TRPM3: variants seen among roughly 807,000 people sequenced by gnomAD.
TRPM3 encodes the protein transient receptor potential cation channel subfamily M member 3, also known as long transient receptor potential channel 3.
TRPM3 carries 77 observed loss-of-function variants against 181.2 expected under a neutral mutation model. The ratio of observed to expected loss-of-function variants is 0.42; its 90% CI spans 0.35 to 0.51. The LOEUF (loss-of-function observed/expected upper bound fraction) is 0.51, where lower values mean the gene tolerates loss of function less well. Among genes scored for constraint, TRPM3 ranks in the 20% least tolerant of loss-of-function variants. The pLI, the probability that TRPM3 is intolerant of heterozygous loss-of-function variation, is 0.01. For missense variants in TRPM3, 1,759 were observed against 2,196.7 expected, an observed-to-expected ratio of 0.80 and a Z score of 3.98; for synonymous variants, 745 against 796.4, an observed-to-expected ratio of 0.94 and a Z score of 1.09.
chr9:70,647,351 G>A (rs1283343152), intron 9 of TRPM3, among the ~76,000 whole-genome samples: 1 of 152,140 alleles, frequency 6.6e-6, no homozygotes, highest in Non-Finnish European at 1.5e-5. Flanking sequence ...TCATGATCAA[G>A]TAGGCTTCTT....
At chr9:71,397,091 A>C (rs2093219523) in intron 1 of TRPM3, among the ~76,000 whole-genome samples, 1 of 152,182 alleles carries the variant, frequency 6.6e-6, no homozygotes, top group South Asian at 2.1e-4. Flanking sequence ...GGCAACATTA[A>C]TGTAGTACGA....
intron 22 of TRPM3, among the ~76,000 whole-genome samples, chr9:70,578,978 G>A (rs1420039026): frequency 5.9e-5 from 9 of 152,132 alleles, no homozygotes; most frequent in Non-Finnish European, 1.3e-4. Flanking sequence ...ATGTCTCTTT[G>A]CTGGGTGGTG....
chr9:70,961,074 A>G (rs2097131694), intron 1 of TRPM3, among the ~76,000 whole-genome samples: 1 of 152,196 alleles, frequency 6.6e-6, no homozygotes, highest in Admixed American at 6.5e-5. Context: ...TAATTACAAC[A>G]TAAGGAGAAG....
At chr9:70,783,274 C>A (rs764781056) in intron 7 of TRPM3, among the ~76,000 whole-genome samples, 4 of 152,302 alleles carry the variant, frequency 2.6e-5, no homozygotes, top group Non-Finnish European at 5.9e-5. Flanking sequence ...GCTTTCCCCT[C>A]CCCACAAATT....
chr9:71,427,261 G>T (rs990489429), intron 1 of TRPM3, among the ~76,000 whole-genome samples: 1 of 151,868 alleles, frequency 6.6e-6, no homozygotes, highest in Non-Finnish European at 1.5e-5. Flanking sequence ...TATAACTGAG[G>T]GGTTCTCAAA....
chr9:71,004,178 A>G (rs2097648701), intron 1 of TRPM3, among the ~76,000 whole-genome samples: 1 of 152,222 alleles, frequency 6.6e-6, no homozygotes, highest in African/African-American at 2.4e-5. Flanking sequence ...CACATGGATA[A>G]GACTGGCCAG....
At chr9:71,302,824 G>A (rs934342507) in intron 1 of TRPM3, among the ~76,000 whole-genome samples, 1 of 151,828 alleles carries the variant, frequency 6.6e-6, no homozygotes, top group Non-Finnish European at 1.5e-5. Context: ...AAGGAAGGAG[G>A]GGAGGGAGGC....
At chr9:70,595,415 T>C (rs2058834667) in intron 21 of TRPM3, among the ~76,000 whole-genome samples, 2 of 152,228 alleles carry the variant, frequency 1.3e-5, no homozygotes, top group African/African-American at 4.8e-5. Context: ...TAACTGCGTG[T>C]GTGTGTGCAC....
chr9:71,348,498 T>G (rs970802694), intron 1 of TRPM3, among the ~76,000 whole-genome samples: 2 of 151,374 alleles, frequency 1.3e-5, no homozygotes, highest in Non-Finnish European at 2.9e-5. Flanking sequence ...TCAAAAATTC[T>G]GTCATTTTCA....
chr9:71,002,914 T>C (rs2097625015), intron 1 of TRPM3, among the ~76,000 whole-genome samples: 1 of 152,126 alleles, frequency 6.6e-6, no homozygotes, highest in South Asian at 2.1e-4. Context: ...ATTCAATCCA[T>C]ATTCATATTT....
chr9:70,917,844 AT>A (rs1303355471), intron 1 of TRPM3, among the ~76,000 whole-genome samples: 5 of 152,126 alleles, frequency 3.3e-5, no homozygotes, highest in Admixed American at 6.5e-5. Flanking sequence ...ATCAAAAGAC[AT>A]AGAGTCACTC....
At chr9:71,080,269 A>G (rs759951100) in intron 1 of TRPM3, among the ~76,000 whole-genome samples, 1 of 152,132 alleles carries the variant, frequency 6.6e-6, no homozygotes, top group African/African-American at 2.4e-5. Flanking sequence ...ACGAGACAAC[A>G]GTAACACTAA....
At chr9:71,148,470 C>G (rs1401533854) in intron 1 of TRPM3, among the ~76,000 whole-genome samples, 2 of 152,060 alleles carry the variant, frequency 1.3e-5, no homozygotes, top group African/African-American at 4.8e-5. Context: ...TTTCTGAGGT[C>G]TTATTTTAGA....
chr9:70,797,851 CA>C lies in TRPM3; in HGVS notation c.974-13573del, dbSNP rs560003850. 3.9e-3 allele frequency among the ~76,000 whole-genome samples: 590 copies of C among 152,274 alleles called. 2 individuals carry two copies. The highest frequency in any genetic ancestry group is 0.013 in the African/African-American group (558 of 41,556). The stretch of plus-strand genomic sequence containing the variant: ...CAGGAACCCAGACCCTGAAGATGTG[CA>C]GTGAGGTGAGCAGGTGAAGACTCAC... On this transcript the variant is annotated intron_variant, in intron 6 of 25. Coordinates refer to ENST00000677713, the MANE Select transcript of TRPM3 (RefSeq NM_001366145.2).
At chr9:70,761,796 G>A in intron 7 of TRPM3, 72 bp from the exon 8 acceptor site, 1 of 1,516,806 alleles carries the variant, frequency 6.6e-7, no homozygotes, top group Non-Finnish European at 8.9e-7. Context: ...GAAATACAGA[G>A]CTCAAGAGGA....
chr9:71,318,159 G>T (rs1259893386), intron 1 of TRPM3, among the ~76,000 whole-genome samples: 1 of 152,168 alleles, frequency 6.6e-6, no homozygotes, highest in African/African-American at 2.4e-5. Context: ...TACAGAGTTT[G>T]TGATAATTTA....
At chr9:71,095,604 C>T (rs1218511308) in intron 1 of TRPM3, among the ~76,000 whole-genome samples, 1 of 151,512 alleles carries the variant, frequency 6.6e-6, no homozygotes, top group Non-Finnish European at 1.5e-5. Flanking sequence ...ACTAAAAATA[C>T]AAAAATTAGC....
chr9:71,317,220 T>C (rs1007915980), intron 1 of TRPM3, among the ~76,000 whole-genome samples: 1 of 152,216 alleles, frequency 6.6e-6, no homozygotes, highest in Non-Finnish European at 1.5e-5. Context: ...CTATCATTTC[T>C]AGCAGAAATG....
Position 70,598,765 on chromosome 9 carries a change from G to A in TRPM3, c.2797-95C>T, listed in dbSNP as rs2059410888. ...CTTGGTCTGTTGGCTGATGTTAGTAGCTTGCTTTGTCTACCTATATCTACT... is the reference window on the plus strand; with the variant it reads ...CTTGGTCTGTTGGCTGATGTTAGTAACTTGCTTTGTCTACCTATATCTACT... On this transcript the variant is annotated intron_variant, in intron 20 of 25. Transcript: ENST00000677713. The A allele has an allele frequency of 1.8e-5, 26 of 1,462,334 alleles. No individual in the cohort carries two copies. The South Asian group carries it at 3.4e-4, about 19-fold the overall frequency. The allele number at this position is 1,462,334 out of a possible 1,614,324, so 90.6% of individuals were successfully genotyped here.
Sources: gnomAD v4.1 joint callset for allele counts (sites outside exome capture counted in the v4.1 genomes callset) on GRCh38, gnomAD v4.1.1 for gene constraint, MANE v1.5 for transcripts, NCBI Gene and HGNC (gene_info 2026-07-23, HGNC 2026-07-21) for gene names.